Variants in FOXN3 observed in about 807,000 individuals in gnomAD.
The protein encoded by FOXN3 is forkhead box N3, also known as forkhead box protein N3.
Under a neutral mutation model 38.4 loss-of-function variants are expected in FOXN3, and 7 were observed. The observed-to-expected ratio is 0.18, with a 90% CI of 0.10 to 0.34. The LOEUF (loss-of-function observed/expected upper bound fraction) is 0.34, where lower values mean the gene tolerates loss of function less well. Ranked by LOEUF, FOXN3 falls within the 10% of genes least tolerant of loss-of-function variation. FOXN3 has a pLI of 1.00. For synonymous variants in FOXN3, 230 were observed against 242.2 expected, an observed-to-expected ratio of 0.95 and a Z score of 0.47; for missense variants, 456 against 613.4, an observed-to-expected ratio of 0.74 and a Z score of 2.71.
chr14:89,396,315 T>C (rs1891097026), intron 2 of FOXN3, among the ~76,000 whole-genome samples: 16 of 152,050 alleles, frequency 1.1e-4, no homozygotes, highest in Admixed American at 9.8e-4. Flanking sequence ...GAAGAAGAGG[T>C]GAAGCAATGC....
At chr14:89,407,197 C>T (rs1026113527) in intron 2 of FOXN3, among the ~76,000 whole-genome samples, 2 of 152,008 alleles carry the variant, frequency 1.3e-5, no homozygotes, top group South Asian at 2.1e-4. Flanking sequence ...GCAAGTTACA[C>T]GAAATCACAA....
intron 4 of FOXN3, 86 bp downstream of exon 4, chr14:89,280,864 G>A (rs1330510545): frequency 3.4e-6 from 4 of 1,184,636 alleles, no homozygotes; most frequent in East Asian, 2.4e-5. Context: ...GGACAGAACT[G>A]TCCTATTTGA....
intron 3 of FOXN3, among the ~76,000 whole-genome samples, chr14:89,327,813 TATA>T (rs1156518939): frequency 6.6e-6 from 1 of 152,146 alleles, no homozygotes; most frequent in African/African-American, 2.4e-5. Context: ...CTTTAAACAT[TATA>T]ATAAGCAGAG....
At chr14:89,238,395 T>A (rs1158672996) in intron 4 of FOXN3, among the ~76,000 whole-genome samples, 1 of 152,262 alleles carries the variant, frequency 6.6e-6, no homozygotes, top group African/African-American at 2.4e-5. Flanking sequence ...CTTCAAATTA[T>A]GTTTTCCAAG....
intron 1 of FOXN3, among the ~76,000 whole-genome samples, chr14:89,606,555 A>C (rs1302411402): frequency 6.6e-6 from 1 of 152,198 alleles, no homozygotes; most frequent in Non-Finnish European, 1.5e-5. Flanking sequence ...GTGTAGTATA[A>C]AAATAAAACT....
intron 1 of FOXN3, among the ~76,000 whole-genome samples, chr14:89,430,498 A>C (rs185082077): frequency 3.9e-4 from 60 of 152,304 alleles, no homozygotes; most frequent in Admixed American, 1.8e-3. Flanking sequence ...TAAATAAAGA[A>C]TTTTAGCTCT....
chr14:89,386,771 T>C (rs1349861470), intron 2 of FOXN3, among the ~76,000 whole-genome samples: 1 of 152,164 alleles, frequency 6.6e-6, no homozygotes, highest in Non-Finnish European at 1.5e-5. Context: ...CAGTTCCTGG[T>C]AAGGACTCTC....
In FOXN3 at chr14:89,161,554, T is replaced by G. The variant is rs1223183258; in HGVS notation, c.*860A>C. 6 of 137,594 alleles carry G rather than the reference T, an allele frequency of 4.4e-5. No individual in the cohort carries two copies. The highest frequency in any genetic ancestry group is 1.8e-4 in the African/African-American group (6 of 34,184). 8.5% of individuals were successfully genotyped at this position (137,594 alleles called of 1,614,324 possible). On this transcript the variant is annotated 3_prime_UTR_variant, in exon 6 of 6. Transcript: ENST00000557258. ...CCCCATCAGTTTTCTCTCTCTCTCC[T>G]TCGTGTGTGTGTGTGTGTGTGTGTG...
At chr14:89,208,461 C>G (rs1055320361) in intron 4 of FOXN3, among the ~76,000 whole-genome samples, 1 of 152,220 alleles carries the variant, frequency 6.6e-6, no homozygotes, top group South Asian at 2.1e-4. Context: ...TGATGATGTG[C>G]ATCTACTGTC....
rs533085424 is a variant in FOXN3, at chr14:89,224,103, T to C, written c.746-43297A>G. On this transcript the variant is annotated intron_variant, in intron 4 of 5. Transcript: ENST00000557258. The stretch of plus-strand genomic sequence containing the variant: ...AAGTCAAAATCTCAGTAAGGTCATA[T>C]ATACTATACAAGAAAACTTAAAAGA... Among the ~76,000 whole-genome samples, 47 of 152,326 alleles carry C rather than the reference T, an allele frequency of 3.1e-4. 1 individual carries two copies. The highest frequency in any genetic ancestry group is 2.9e-3 in the Admixed American group (45 of 15,308).
At chr14:89,463,070 C>T (rs149761927) in intron 1 of FOXN3, among the ~76,000 whole-genome samples, 5,387 of 151,190 alleles carry the variant, frequency 0.036, 142 homozygotes, top group African/African-American at 0.083. Flanking sequence ...GAGGGCGGAT[C>T]ACGAGGTCAG....
chr14:89,581,719 C>A (rs1165266975), intron 1 of FOXN3, among the ~76,000 whole-genome samples: 4 of 152,136 alleles, frequency 2.6e-5, no homozygotes, highest in African/African-American at 9.7e-5. Flanking sequence ...TTCTCTTATA[C>A]CACAGGACAG....
chr14:89,383,237 G>A (rs1039020251), intron 2 of FOXN3, among the ~76,000 whole-genome samples: 2 of 151,884 alleles, frequency 1.3e-5, no homozygotes, highest in South Asian at 2.1e-4. Context: ...AAATGTTCAC[G>A]AACAGGCAGA....
rs929122455 is a variant in FOXN3, at chr14:89,164,404, A to T, written c.852-1435T>A. 1.3e-5 allele frequency among the ~76,000 whole-genome samples: 2 copies of T among 152,104 alleles called. No individual in the cohort carries two copies. Among genetic ancestry groups the T allele is most frequent in the African/African-American group, 4.8e-5 (2 of 41,410 alleles). On this transcript the variant is annotated intron_variant, in intron 5 of 5. Transcript: ENST00000557258. The surrounding 1 kb of genome is among the most constrained non-coding windows in gnomAD (Gnocchi z 4.3). Reference sequence around the variant, plus strand: ...TTCCTGTAAGCTCATCTACCTCGTGATCCATTTCTAAGAGTTCTGGGGAAC... The same window carrying T: ...TTCCTGTAAGCTCATCTACCTCGTGTTCCATTTCTAAGAGTTCTGGGGAAC...
In FOXN3 at chr14:89,446,087, C is replaced by CAAAAAA. The variant is rs576883864; in HGVS notation, c.-14-33603_-14-33598dup. 5.7e-3 allele frequency among the ~76,000 whole-genome samples: 229 copies of CAAAAAA among 40,100 alleles called. 11 individuals carry two copies. The highest frequency in any genetic ancestry group is 0.033 in the Middle Eastern group (1 of 30). The allele number at this position is 40,100 out of a possible 152,430, so 26.3% of individuals were successfully genotyped here. A position where few individuals can be genotyped will look rare whatever the true frequency, so the allele number is the denominator to read the frequency against. ...TGGGTAACAGAGCGAGACCCTGCCT[C>CAAAAAA]AAAAAAAAAAAAAAAAAAAAAAAAT... is the stretch of plus-strand genomic sequence containing the variant. On this transcript the variant is annotated intron_variant, in intron 1 of 6. Transcript: ENST00000345097.
chr14:89,462,287 A>T (rs1892863564), intron 1 of FOXN3, among the ~76,000 whole-genome samples: 1 of 152,242 alleles, frequency 6.6e-6, no homozygotes, highest in Non-Finnish European at 1.5e-5. Flanking sequence ...GGACTGGGAC[A>T]CTGAGGAATC....
intron 4 of FOXN3, among the ~76,000 whole-genome samples, chr14:89,235,632 C>T (rs982206171): frequency 2.0e-5 from 3 of 152,036 alleles, no homozygotes; most frequent in Non-Finnish European, 2.9e-5. Flanking sequence ...GGTTGCAGCT[C>T]GAATTAAGAT....
chr14:89,376,706 T>C (rs1890486516), intron 2 of FOXN3, among the ~76,000 whole-genome samples: 1 of 152,014 alleles, frequency 6.6e-6, no homozygotes, highest in Non-Finnish European at 1.5e-5. Flanking sequence ...CAGCATTGCC[T>C]GGCAATTGTT....
At chr14:89,182,204 T>C (rs1229922619) in intron 4 of FOXN3, among the ~76,000 whole-genome samples, 1 of 152,260 alleles carries the variant, frequency 6.6e-6, no homozygotes, top group Non-Finnish European at 1.5e-5. Flanking sequence ...TTTACTTACA[T>C]AATTTTTAGG....
Sources: allele counts gnomAD v4.1 joint callset (sites outside exome capture counted in the v4.1 genomes callset), GRCh38; gene constraint gnomAD v4.1.1; non-coding constraint Gnocchi (gnomAD v3.1); transcripts MANE v1.5; gene names NCBI Gene and HGNC (gene_info 2026-07-23, HGNC 2026-07-21).